PSMB1: variants seen among roughly 807,000 people sequenced by gnomAD.
The protein encoded by PSMB1 is proteasome subunit beta type-1.
PSMB1 carries 7 observed loss-of-function variants against 25.4 expected under a neutral mutation model. The ratio of observed to expected loss-of-function variants is 0.28; its 90% confidence interval spans 0.16 to 0.52. The LOEUF is 0.52. Ranked by LOEUF, PSMB1 falls within the 20% of genes least tolerant of loss-of-function variation. The pLI is 0.97. For missense variants in PSMB1, 284 were observed against 302.2 expected (o/e 0.94, Z 0.45); for synonymous variants, 119 against 115.0 (o/e 1.03, Z -0.22).
At chr6:170,539,765 T>C (rs1245174355) in intron 4 of PSMB1, among the ~76,000 whole-genome samples, 2 of 152,138 alleles carry the variant, frequency 1.3e-5, no homozygotes, top group African/African-American at 4.8e-5. Flanking sequence ...ATTGGGGAAG[T>C]ACACAAAAAT....
chr6:170,535,349 G>A lies in PSMB1; in HGVS notation c.597C>T (p.Ala199=), dbSNP rs1269699648. 6.2e-7 allele frequency: 1 copy of A among 1,614,158 alleles called. No individual in the cohort carries two copies. Among genetic ancestry groups the A allele is most frequent in the Admixed American group, 1.7e-5 (1 of 60,020 alleles). ...VEHVPLSLDR[A]MRLVKDVFIS... Reference sequence around the variant, plus strand: ...TGAAGACATCTTTCACCAGCCGCATGGCTCTGTCCAAGGACAGCGGAACAT... The same window carrying A: ...TGAAGACATCTTTCACCAGCCGCATAGCTCTGTCCAAGGACAGCGGAACAT... The change falls in exon 6 of 6, where the codon GCC becomes GCT. Residue 199 remains alanine, a synonymous_variant. Transcript: ENST00000262193.
At chr6:170,542,096 T>G (rs1778764473) in intron 4 of PSMB1, among the ~76,000 whole-genome samples, 1 of 152,228 alleles carries the variant, frequency 6.6e-6, no homozygotes, top group Non-Finnish European at 1.5e-5. Context: ...CTATTTTTAC[T>G]ATTTCTACAC....
rs16901459 is a variant in PSMB1, at chr6:170,549,207, T to C, written c.114-94A>G. ...CATAGTACATAATGGGATAAAATAC[T>C]CTAGATGTCAACAAAAACATGATTC... is the stretch of plus-strand genomic sequence containing the variant. On this transcript the variant is annotated intron_variant, in intron 1 of 5. Transcript: ENST00000262193. 2,564 of 589,604 alleles carry C rather than the reference T, an allele frequency of 4.3e-3. 61 individuals carry two copies. In the African/African-American group the frequency reaches 0.044, roughly 10 times the overall value. The allele number at this position is 589,604 out of a possible 1,614,324, so 36.5% of individuals were successfully genotyped here.
At chr6:170,546,026 G>A (rs927883767) in intron 3 of PSMB1, 77 bp downstream of exon 3, 12 of 1,268,784 alleles carry the variant, frequency 9.5e-6, no homozygotes, top group African/African-American at 1.5e-5. Flanking sequence ...CTGACCAACA[G>A]TCATGCTGTA....
intron 2 of PSMB1, among the ~76,000 whole-genome samples, chr6:170,547,385 G>A (rs367625143): frequency 6.6e-5 from 10 of 152,164 alleles, no homozygotes; most frequent in Non-Finnish European, 1.2e-4. Context: ...AAATTCAACC[G>A]TGTATTTCAA....
At chr6:170,544,660 C>A (rs992011893) in intron 3 of PSMB1, among the ~76,000 whole-genome samples, 2 of 152,080 alleles carry the variant, frequency 1.3e-5, no homozygotes, top group Admixed American at 1.3e-4. Context: ...TACAATGGCG[C>A]CACTGTACTC....
chr6:170,537,624 A>T (rs1212517977), intron 4 of PSMB1, among the ~76,000 whole-genome samples: 1 of 152,186 alleles, frequency 6.6e-6, no homozygotes, highest in South Asian at 2.1e-4. Flanking sequence ...TAGGCTTGGG[A>T]GTTAAAATAC....
At chr6:170,548,145 C>T (rs1423398401) in intron 2 of PSMB1, among the ~76,000 whole-genome samples, 1 of 152,182 alleles carries the variant, frequency 6.6e-6, no homozygotes, top group African/African-American at 2.4e-5. Flanking sequence ...AAACAAACTT[C>T]ATTGCTTTTT....
At chr6:170,542,075 G>T (rs1430432982) in intron 4 of PSMB1, among the ~76,000 whole-genome samples, 1 of 152,156 alleles carries the variant, frequency 6.6e-6, no homozygotes, top group Non-Finnish European at 1.5e-5. Flanking sequence ...CATGTTAAAG[G>T]TAATTCATTT....
Position 170,553,233 on chromosome 6 carries a change from A to C in PSMB1, c.10T>G (p.Ser4Ala). 1 of 1,611,696 alleles carries C rather than the reference A, an allele frequency of 6.2e-7. No homozygotes were observed. Among genetic ancestry groups the C allele is most frequent in the Non-Finnish European group, 8.5e-7 (1 of 1,178,764 alleles). MLS[S>A]TAMYSAPGRD... is the part of the protein sequence containing the mutation. ...CCAGGAGCCGAATACATGGCTGTAG[A>C]GGACAACATCGCACGGCTGCGCCTG... The change falls in exon 1 of 6, where the codon TCT (serine) becomes GCT (alanine). Residue 4 changes from serine (S) to alanine (A), a missense_variant. By Grantham distance (99) the Ser-to-Ala change is moderately conservative. Coordinates refer to ENST00000262193, the MANE Select transcript of PSMB1 (RefSeq NM_002793.4).
At chr6:170,537,942 GTA>G (rs1252281752) in intron 4 of PSMB1, among the ~76,000 whole-genome samples, 1 of 152,190 alleles carries the variant, frequency 6.6e-6, no homozygotes, top group Non-Finnish European at 1.5e-5. Context: ...CACGACTTAT[GTA>G]TATAGACAGG....
In PSMB1 at chr6:170,553,093, G is replaced by A. The variant is rs1270229242; in HGVS notation, c.113+37C>T. 9 of 1,534,012 alleles carry A rather than the reference G, an allele frequency of 5.9e-6. No homozygotes were observed. The Admixed American group carries it at 1.5e-4, about 26-fold the overall frequency. On this transcript the variant is annotated intron_variant, in intron 1 of 5. Transcript: ENST00000262193. ...AATAGGCTTCAGCAGATGGGGGAAG[G>A]GCGAAAGTGAAAGCCGCAGCTCTCT...
chr6:170,549,455 G>T (rs1369716148), intron 1 of PSMB1: 2 of 194,264 alleles, frequency 1.0e-5, no homozygotes, highest in Admixed American at 1.1e-4. Context: ...TGAGGATCAG[G>T]TATAGACAGT....
At chr6:170,550,577 G>C (rs1321842669) in intron 1 of PSMB1, 2 of 152,122 alleles carry the variant, frequency 1.3e-5, no homozygotes, top group African/African-American at 4.8e-5. Flanking sequence ...ATGCAAGAGA[G>C]AGAAAAGTTC....
intron 1 of PSMB1, among the ~76,000 whole-genome samples, chr6:170,551,241 G>T (rs953738204): frequency 6.6e-6 from 1 of 152,168 alleles, no homozygotes; most frequent in Non-Finnish European, 1.5e-5. Context: ...AGAAAAACCA[G>T]TTAAAAATGT....
chr6:170,553,014 G>C (rs1047322562), intron 1 of PSMB1, 116 bp downstream of exon 1: 2 of 842,340 alleles, frequency 2.4e-6, no homozygotes, highest in South Asian at 3.4e-5. Context: ...CCTCAGCTCA[G>C]GGTTCTGAGG....
chr6:170,544,284 C>A (rs1487741971), intron 3 of PSMB1, among the ~76,000 whole-genome samples: 2 of 152,178 alleles, frequency 1.3e-5, no homozygotes, highest in African/African-American at 4.8e-5. Flanking sequence ...TGGAGCAGAT[C>A]TCTGTGAGAA....
chr6:170,551,969 G>C (rs1778908831), intron 1 of PSMB1, among the ~76,000 whole-genome samples: 1 of 152,226 alleles, frequency 6.6e-6, no homozygotes, highest in African/African-American at 2.4e-5. Context: ...GTGTCCTTTA[G>C]TGGCAGAACC....
intron 5 of PSMB1, among the ~76,000 whole-genome samples, chr6:170,536,151 T>G (rs773734286): frequency 3.9e-5 from 6 of 152,152 alleles, no homozygotes; most frequent in Non-Finnish European, 5.9e-5. Context: ...AAATTTTCAG[T>G]AAACACACTG....
Sources: allele counts gnomAD v4.1 joint callset (sites outside exome capture counted in the v4.1 genomes callset), GRCh38; gene constraint gnomAD v4.1.1; transcripts MANE v1.5; gene names NCBI Gene and HGNC (gene_info 2026-07-23, HGNC 2026-07-21).